The following LGALS9 variants were observed in gnomAD, a reference collection of about 807,000 sequenced individuals.
LGALS9 encodes galectin 9.
A neutral mutation model predicts 35.9 loss-of-function variants in LGALS9; 26 were observed. The ratio of observed to expected loss-of-function variants is 0.72; its 90% CI spans 0.53 to 1.01. The LOEUF is 1.01. Among genes scored for constraint, LGALS9 ranks in the 50% least tolerant of loss-of-function variants. LGALS9 has a pLI of 0.00. For synonymous variants in LGALS9, 149 were observed against 172.2 expected, an observed-to-expected ratio of 0.87 and a Z score of 1.06; for missense variants, 347 against 445.8, an observed-to-expected ratio of 0.78 and a Z score of 1.99.
intron 10 of LGALS9, among the ~76,000 whole-genome samples, chr17:27,648,109 G>A (rs1905076396): frequency 6.6e-6 from 1 of 152,244 alleles, no homozygotes; most frequent in African/African-American, 2.4e-5. Flanking sequence ...AGTCAGCTGG[G>A]CATTCGTATT....
chr17:27,646,730 G>C (rs72845803), intron 8 of LGALS9, 142 bp downstream of exon 8: 4 of 1,402,666 alleles, frequency 2.9e-6, no homozygotes, highest in Non-Finnish European at 4.0e-6. Flanking sequence ...GCATCCCAGC[G>C]AATTAGAAGG....
At chr17:27,632,344 C>G (rs980039223) in intron 1 of LGALS9, among the ~76,000 whole-genome samples, 3 of 152,166 alleles carry the variant, frequency 2.0e-5, no homozygotes, top group African/African-American at 7.2e-5. Flanking sequence ...AGGCCAGGGT[C>G]GGGCTTGAGT....
At position 27,647,439 on chromosome 17, in the gene LGALS9, C is replaced by T; in HGVS notation, c.921+7C>T. The T allele has an allele frequency of 6.2e-7, 1 of 1,614,080 alleles. No homozygotes were observed. Among genetic ancestry groups the T allele is most frequent in the Non-Finnish European group, 8.5e-7 (1 of 1,180,000 alleles). On this transcript the variant is annotated splice_region_variant and intron_variant, in intron 10 of 10. Coordinates refer to ENST00000395473, the MANE Select transcript of LGALS9 (RefSeq NM_009587.3). ...CCGTGGCCAGAGCTTCTCAGTAAGG[C>T]ACCGCAGTCTGGAGCTTGGAGAGGC...
At position 27,649,498 on chromosome 17, in the gene LGALS9, A is replaced by G. The variant is rs8368; in HGVS notation, c.*516A>G. 39,309 of 174,832 alleles carry G rather than the reference A, an allele frequency of 0.22. 4,625 individuals are homozygous for G. The highest frequency in any genetic ancestry group is 0.3 in the Admixed American group (5,689 of 18,660). 10.8% of individuals were successfully genotyped at this position (174,832 alleles called of 1,614,324 possible). On this transcript the variant is annotated 3_prime_UTR_variant, in exon 11 of 11. Transcript: ENST00000395473. ...CACCTGACCAGAGTGTTCTCTTCAG[A>G]GGACTGGCTCCTTTCCCAGTGTCCT...
At chr17:27,640,816 C>T (rs766579967) in intron 3 of LGALS9, 43 bp downstream of exon 3, 5 of 1,610,408 alleles carry the variant, frequency 3.1e-6, no homozygotes, top group Non-Finnish European at 4.2e-6. Context: ...CTGGGACCCC[C>T]AGCCCTATCA....
At position 27,647,512 on chromosome 17, in the gene LGALS9, T is replaced by G. The variant is rs1048434747; in HGVS notation, c.921+80T>G. On this transcript the variant is annotated intron_variant, in intron 10 of 10. Transcript: ENST00000395473. ...GGGGTAAAGGAGGTTTGAGGTACCT[T>G]GAACAGTATGGGGGCTGATTCCTCT... The G allele has an allele frequency of 1.8e-5, 28 of 1,572,282 alleles. 1 individual carries two copies. Among genetic ancestry groups the G allele is most frequent in the Non-Finnish European group, 2.4e-5 (28 of 1,156,216 alleles).
At chr17:27,642,198 C>T in intron 3 of LGALS9, 40 bp from the exon 4 acceptor site, 6 of 1,562,246 alleles carry the variant, frequency 3.8e-6, no homozygotes, top group Non-Finnish European at 5.3e-6. Context: ...CCATCCCAGC[C>T]TGGGATGCCT....
chr17:27,639,748 A>G (rs776525728), intron 2 of LGALS9, among the ~76,000 whole-genome samples: 27 of 151,506 alleles, frequency 1.8e-4, no homozygotes, highest in Non-Finnish European at 2.9e-4. Flanking sequence ...TATTATTATT[A>G]TTATTTTGAG....
chr17:27,631,450 T>C, intron 1 of LGALS9, 146 bp downstream of exon 1: 1 of 1,112,610 alleles, frequency 9.0e-7, no homozygotes, highest in Non-Finnish European at 1.3e-6. Flanking sequence ...TCAGAGGAGG[T>C]CATCCTGGCA....
At chr17:27,632,484 G>A (rs1043391187) in intron 1 of LGALS9, among the ~76,000 whole-genome samples, 2 of 152,194 alleles carry the variant, frequency 1.3e-5, no homozygotes, top group African/African-American at 4.8e-5. Flanking sequence ...TGTCACCAAT[G>A]ACACCTCAGC....
chr17:27,643,079 A>T (rs1166976279), intron 4 of LGALS9, among the ~76,000 whole-genome samples: 3 of 152,226 alleles, frequency 2.0e-5, no homozygotes, highest in Non-Finnish European at 4.4e-5. Flanking sequence ...AAATAAAACT[A>T]AATAAGGTCA....
At chr17:27,638,112 G>C in intron 1 of LGALS9, 151 bp from the exon 2 acceptor site, 1 of 624,068 alleles carries the variant, frequency 1.6e-6, no homozygotes, top group South Asian at 1.9e-5. Flanking sequence ...CCTAAGACCC[G>C]TGGGGCTGCG....
In LGALS9 at chr17:27,642,854, C is replaced by T. The variant is rs536307683; in HGVS notation, c.444+506C>T. Among the ~76,000 whole-genome samples, 1,279 of 152,248 alleles carry T rather than the reference C, an allele frequency of 8.4e-3. 7 individuals are homozygous for T. The highest frequency in any genetic ancestry group is 0.013 in the Non-Finnish European group (885 of 68,024). ...CACAGTGGCCCCCCTGGGCCCACAC[C>T]AGGGTCTGTTTGACCTCTGTGTTTT... On this transcript the variant is annotated intron_variant, in intron 4 of 10. Transcript: ENST00000395473.
At position 27,642,374 on chromosome 17, in the gene LGALS9, C is replaced by T. The variant is rs752318614; in HGVS notation, c.444+26C>T. 6 of 1,611,612 alleles carry T rather than the reference C, an allele frequency of 3.7e-6. No homozygotes were observed. The East Asian group carries it at 8.9e-5, about 24-fold the overall frequency. On this transcript the variant is annotated intron_variant, in intron 4 of 10. Transcript: ENST00000395473. ...GTCAGACTGTCCACCTGGCACCGGT[C>T]CCAGGGGCTGGGATGCAGGGCCCAG...
rs57246566 is a variant in LGALS9 at position 27,640,765 on chromosome 17, G to A, written c.325G>A (p.Asp109Asn). 3 of 1,614,096 alleles carry A rather than the reference G, an allele frequency of 1.9e-6. No individual in the cohort carries two copies. Among genetic ancestry groups the A allele is most frequent in the South Asian group, 2.2e-5 (2 of 91,076 alleles). Reference sequence around the variant, plus strand: ...CCTCTGCTTCCTGGTGCAGAGCTCAGATTTCAAGGTGAGCAAGAATCCCCT... The same window carrying A: ...CCTCTGCTTCCTGGTGCAGAGCTCAAATTTCAAGGTGAGCAAGAATCCCCT... ...FDLCFLVQSS[D>N]FKVMVNGILF... The change falls in exon 3 of 11, where the codon GAT (aspartate) becomes AAT (asparagine). Residue 109 changes from aspartate (D) to asparagine (N), a missense_variant. Physicochemically the swap from Asp to Asn is conservative, Grantham distance 23. Coordinates refer to ENST00000395473, the MANE Select transcript of LGALS9 (RefSeq NM_009587.3).
intron 1 of LGALS9, among the ~76,000 whole-genome samples, chr17:27,631,611 A>C (rs1235500311): frequency 1.3e-5 from 2 of 152,082 alleles, no homozygotes; most frequent in East Asian, 3.9e-4. Flanking sequence ...TGTAAAGAGG[A>C]AGCAAGCACG....
Position 27,649,309 on chromosome 17 carries a change from C to G in LGALS9, c.*327C>G. 1 of 408,950 alleles carries G rather than the reference C, an allele frequency of 2.4e-6. No individual in the cohort carries two copies. Among genetic ancestry groups the G allele is most frequent in the Non-Finnish European group, 4.6e-6 (1 of 215,986 alleles). The allele number at this position is 408,950 out of a possible 1,614,324, so 25.3% of individuals were successfully genotyped here. On this transcript the variant is annotated 3_prime_UTR_variant, in exon 11 of 11. Coordinates refer to ENST00000395473, the MANE Select transcript of LGALS9 (RefSeq NM_009587.3). ...ATGCTCAGTCCCCTCCCATCCCCCA[C>G]GCAGCTCCACCCCAGTCCCAAGCCA...
chr17:27,642,261 C>T lies in LGALS9; in HGVS notation c.357C>T (p.Phe119=), dbSNP rs760284183. 6.8e-6 allele frequency: 11 copies of T among 1,612,866 alleles called. No homozygotes were observed. The highest frequency in any genetic ancestry group is 2.7e-5 in the African/African-American group (2 of 74,764). The part of the protein sequence containing the change: ...DFKVMVNGIL[F]VQYFHRVPFH... ...AGGTGATGGTGAACGGGATCCTCTT[C>T]GTGCAGTACTTCCACCGCGTGCCCT... Residue 119 remains phenylalanine (F), a synonymous_variant, in exon 4 of 11, where the codon TTC becomes TTT. Coordinates refer to ENST00000395473, the MANE Select transcript of LGALS9 (RefSeq NM_009587.3).
At chr17:27,637,862 G>A (rs1248667072) in intron 1 of LGALS9, among the ~76,000 whole-genome samples, 4 of 151,976 alleles carry the variant, frequency 2.6e-5, no homozygotes, top group Non-Finnish European at 5.9e-5. Context: ...AGCTTAGCAT[G>A]GGGTCCAGCA....
Sources: allele counts gnomAD v4.1 joint callset (sites outside exome capture counted in the v4.1 genomes callset), GRCh38; gene constraint gnomAD v4.1.1; transcripts MANE v1.5; gene names NCBI Gene and HGNC (gene_info 2026-07-23, HGNC 2026-07-21).